Variants in DNM2 observed in about 807,000 individuals in gnomAD.
DNM2 encodes dynamin-2.
Under a neutral mutation model 99.0 loss-of-function variants are expected in DNM2, and 15 were observed. The ratio of observed to expected loss-of-function variants is 0.15; its 90% CI spans 0.10 to 0.23. The LOEUF is 0.23. Among genes scored for constraint, DNM2 ranks in the 10% least tolerant of loss-of-function variants. The pLI is 1.00. For synonymous variants in DNM2, 525 were observed against 481.2 expected (o/e 1.09, Z -1.19); for missense variants, 742 against 1,189.4 (o/e 0.62, Z 5.53).
chr19:10,759,552 C>T, intron 1 of DNM2, 186 bp from the exon 2 acceptor site: 2 of 700,790 alleles, frequency 2.9e-6, no homozygotes, highest in Non-Finnish European at 2.6e-6. Flanking sequence ...CCATGCATAC[C>T]TTCCTGAGCT....
intron 11 of DNM2, among the ~76,000 whole-genome samples, chr19:10,798,964 G>A (rs1258861415): frequency 6.6e-6 from 1 of 152,286 alleles, no homozygotes; most frequent in Non-Finnish European, 1.5e-5. Context: ...AGTAACTCAC[G>A]CCTGTAATCC....
intron 17 of DNM2, chr19:10,824,369 G>A: frequency 4.5e-6 from 1 of 224,448 alleles, no homozygotes; most frequent in South Asian, 6.1e-5. Context: ...AGGCATGGTG[G>A]TACGTGCCTG....
intron 1 of DNM2, among the ~76,000 whole-genome samples, chr19:10,747,995 G>A (rs766003938): frequency 6.6e-6 from 1 of 152,150 alleles, no homozygotes; most frequent in Non-Finnish European, 1.5e-5. Flanking sequence ...GGTGTGTTTC[G>A]GGAACATGGA....
intron 1 of DNM2, among the ~76,000 whole-genome samples, chr19:10,751,051 A>G (rs571398519): frequency 1.3e-5 from 2 of 152,122 alleles, no homozygotes; most frequent in South Asian, 4.1e-4. Context: ...TGGGGTCTGT[A>G]TGTGAGCCAG....
At chr19:10,827,446 G>T (rs902285602) in intron 18 of DNM2, among the ~76,000 whole-genome samples, 3 of 151,980 alleles carry the variant, frequency 2.0e-5, no homozygotes, top group African/African-American at 7.3e-5. Context: ...TAATAAATCT[G>T]TCGGCCCAGC....
intron 1 of DNM2, among the ~76,000 whole-genome samples, chr19:10,721,243 A>G (rs1013008982): frequency 6.6e-6 from 1 of 151,590 alleles, no homozygotes; most frequent in African/African-American, 2.4e-5. Context: ...TGCAACCTCC[A>G]CCTCCCATGT....
chr19:10,814,603 C>G (rs76490264), intron 15 of DNM2, among the ~76,000 whole-genome samples: 4 of 152,286 alleles, frequency 2.6e-5, no homozygotes, highest in East Asian at 3.9e-4. Context: ...CTCTTTACCC[C>G]CTACTTGTCC....
intron 2 of DNM2, among the ~76,000 whole-genome samples, chr19:10,761,242 C>A (rs1371879475): frequency 6.6e-6 from 1 of 152,100 alleles, no homozygotes; most frequent in Non-Finnish European, 1.5e-5. Context: ...CCACTTCGGC[C>A]TCCCAAAGTG....
intron 1 of DNM2, among the ~76,000 whole-genome samples, chr19:10,727,069 C>T (rs372742481): frequency 2.0e-5 from 3 of 152,120 alleles, no homozygotes; most frequent in Non-Finnish European, 4.4e-5. Flanking sequence ...GTGAAAAGAC[C>T]GGAAAGACAT....
intron 3 of DNM2, among the ~76,000 whole-genome samples, chr19:10,774,799 C>T (rs1210127911): frequency 7.5e-6 from 1 of 134,216 alleles, no homozygotes; most frequent in South Asian, 2.3e-4. Context: ...TTTTTTGAGA[C>T]AGGGTTTAAC....
Position 10,830,561 on chromosome 19 carries a change from C to A in DNM2, c.2543+183C>A. The stretch of plus-strand genomic sequence containing the variant: ...AGGCCAAGAGGCTTGTTCAGTGTCA[C>A]AGAGTAGCGGAGCCCTGGTGACTCC... On this transcript the variant is annotated intron_variant, in intron 20 of 20. Coordinates refer to ENST00000389253, the MANE Select transcript of DNM2 (RefSeq NM_001005361.3). The surrounding 1 kb of genome is among the most constrained non-coding windows in gnomAD (Gnocchi z 4.8). 1 of 756,726 alleles carries A rather than the reference C, an allele frequency of 1.3e-6. No homozygotes were observed. The highest frequency in any genetic ancestry group is 2.1e-6 in the Non-Finnish European group (1 of 478,216). 46.9% of individuals were successfully genotyped at this position (756,726 alleles called of 1,614,324 possible).
At chr19:10,719,247 G>A (rs898496837) in intron 1 of DNM2, among the ~76,000 whole-genome samples, 11 of 152,134 alleles carry the variant, frequency 7.2e-5, no homozygotes, top group African/African-American at 2.2e-4. Flanking sequence ...AGGGTAGAGG[G>A]GAGAACAGAG....
In DNM2 at chr19:10,831,557, T is replaced by C; in HGVS notation, c.*510T>C. ...CCAGCTGGCAGGCCTGAGGTGTACA[T>C]AGTCCTTCCCGGCCATATTAACCAC... is the stretch of plus-strand genomic sequence containing the variant. On this transcript the variant is annotated 3_prime_UTR_variant, in exon 21 of 21. Coordinates refer to ENST00000389253, the MANE Select transcript of DNM2 (RefSeq NM_001005361.3). This position sits in a 1 kb window ranked among gnomAD's most constrained non-coding sequence, Gnocchi z 4.3. 1.0e-6 allele frequency: 1 copy of C among 986,212 alleles called. No homozygotes were observed. The highest frequency in any genetic ancestry group is 1.2e-6 in the Non-Finnish European group (1 of 830,210). The allele number at this position is 986,212 out of a possible 1,614,324, so 61.1% of individuals were successfully genotyped here.
intron 1 of DNM2, among the ~76,000 whole-genome samples, chr19:10,739,198 G>A (rs1164332240): frequency 6.6e-6 from 1 of 152,072 alleles, no homozygotes; most frequent in East Asian, 1.9e-4. Context: ...AATAAAAGAA[G>A]GACGTGTTCC....
intron 12 of DNM2, among the ~76,000 whole-genome samples, chr19:10,802,951 A>G (rs1449607047): frequency 6.6e-6 from 1 of 152,086 alleles, no homozygotes; most frequent in African/African-American, 2.4e-5. Context: ...CTTAGGCCTC[A>G]CTCAGATTGT....
intron 6 of DNM2, among the ~76,000 whole-genome samples, chr19:10,783,728 T>C (rs2071461110): frequency 6.6e-6 from 1 of 150,696 alleles, no homozygotes; most frequent in African/African-American, 2.4e-5. Context: ...GGAGACACAG[T>C]CTCACTCTGT....
rs565343820 is a variant in DNM2 at position 10,818,287 on chromosome 19, C to T, written c.1672-1693C>T. On this transcript the variant is annotated intron_variant, in intron 15 of 20. Transcript: ENST00000389253. This position sits in a 1 kb window ranked among gnomAD's most constrained non-coding sequence, Gnocchi z 4.3. ...CTGCTCCCTCCATGGCCACCGGGCCCCTCTTCCTATGCTCTGCCCTACTTC... is the reference window on the plus strand; with the variant it reads ...CTGCTCCCTCCATGGCCACCGGGCCTCTCTTCCTATGCTCTGCCCTACTTC... 9.1e-5 allele frequency among the ~76,000 whole-genome samples: 13 copies of T among 143,554 alleles called. No homozygotes were observed. The highest frequency in any genetic ancestry group is 3.0e-4 in the African/African-American group (12 of 39,686). The allele number at this position is 143,554 out of a possible 152,430, so 94.2% of individuals were successfully genotyped here.
At chr19:10,734,499 C>T (rs1426809013) in intron 1 of DNM2, among the ~76,000 whole-genome samples, 1 of 151,070 alleles carries the variant, frequency 6.6e-6, no homozygotes, top group Non-Finnish European at 1.5e-5. Context: ...ATTAGCTTGG[C>T]CTGGTGGTGC....
chr19:10,734,052 A>G (rs932069236), intron 1 of DNM2, among the ~76,000 whole-genome samples: 1 of 151,826 alleles, frequency 6.6e-6, no homozygotes, highest in African/African-American at 2.4e-5. Flanking sequence ...TAACCTTGGT[A>G]TACTACTATT....
Sources: gnomAD v4.1 joint callset for allele counts (sites outside exome capture counted in the v4.1 genomes callset) on GRCh38, gnomAD v4.1.1 for gene constraint, Gnocchi (gnomAD v3.1) non-coding constraint, MANE v1.5 for transcripts, NCBI Gene and HGNC (gene_info 2026-07-23, HGNC 2026-07-21) for gene names.